The following SLC26A6 variants were observed in gnomAD, a reference collection of about 807,000 sequenced individuals.
SLC26A6 encodes the protein anion exchange transporter.
In SLC26A6, 67 loss-of-function variants were observed where a neutral mutation model predicts 87.1. The observed-to-expected ratio is 0.77, with a 90% CI of 0.63 to 0.94. The LOEUF (loss-of-function observed/expected upper bound fraction) is 0.94, where lower values mean the gene tolerates loss of function less well. SLC26A6 is among the 40% of genes least tolerant of loss of function. The pLI is 0.00. For missense variants in SLC26A6, 902 were observed against 973.0 expected, an observed-to-expected ratio of 0.93 and a Z score of 0.97; for synonymous variants, 414 against 405.9, an observed-to-expected ratio of 1.02 and a Z score of -0.24.
chr3:48,629,758 A>G (rs771942367), intron 13 of SLC26A6, 47 bp from the exon 14 acceptor site: 1 of 1,610,554 alleles, frequency 6.2e-7, no homozygotes. Flanking sequence ...GAAAAAGGGG[A>G]TAACAGAGGG....
intron 1 of SLC26A6, chr3:48,634,835 G>GC: frequency 1.2e-6 from 1 of 813,132 alleles, no homozygotes; most frequent in Non-Finnish European, 1.5e-6. Context: ...AGATCGTAGA[G>GC]CCCCCTCTCC....
Position 48,633,516 on chromosome 3 carries a change from C to T in SLC26A6, c.143G>A (p.Gly48Asp), listed in dbSNP as rs762633842. ...QEHLEELGRW[G>D]SAPRTHQWRT... ...CCACTGGTGGGTCCTAGGTGCTGAG[C>T]CCCAGCGCCCCAGCTCCTCCAAATG... The change falls in exon 2 of 21, where the codon GGC becomes GAC. Residue 48 changes from glycine (G) to aspartate (D), a missense_variant. By Grantham distance (94) the Gly-to-Asp change is moderately conservative (BLOSUM62 -1). Coordinates refer to ENST00000395550, the MANE Select transcript of SLC26A6 (RefSeq NM_022911.3). The T allele has an allele frequency of 1.9e-6, 3 of 1,613,200 alleles. No homozygotes were observed. The highest frequency in any genetic ancestry group is 2.2e-5 in the South Asian group (2 of 91,094).
In SLC26A6 at chr3:48,631,219, C is replaced by G; in HGVS notation, c.986+5G>C. On this transcript the variant is annotated splice_donor_5th_base_variant and intron_variant, in intron 8 of 20. Coordinates refer to ENST00000395550, the MANE Select transcript of SLC26A6 (RefSeq NM_022911.3). ...CTCCCTGACCTGATGGAGGCCAGAG[C>G]TCACCCTGCAGGGATGTTGCCCACG... 4.3e-6 allele frequency: 7 copies of G among 1,611,252 alleles called. No homozygotes were observed. The highest frequency in any genetic ancestry group is 5.9e-6 in the Non-Finnish European group (7 of 1,178,262).
At chr3:48,626,165 G>A (rs2046614802) in intron 20 of SLC26A6, 53 bp downstream of exon 20, 5 of 1,612,862 alleles carry the variant, frequency 3.1e-6, no homozygotes, top group Non-Finnish European at 4.2e-6. Context: ...GCCAGGGTGG[G>A]GACAAGCAAT....
In SLC26A6 at chr3:48,628,515, GAT is replaced by G. The variant is rs1420424832; in HGVS notation, c.1717_1718del (p.Ile573LeufsTer39). On this transcript the variant is annotated frameshift_variant, in exon 16 of 21. Coordinates refer to ENST00000395550, the MANE Select transcript of SLC26A6 (RefSeq NM_022911.3). LOFTEE classifies it high-confidence loss of function. This position sits in a 1 kb window ranked among gnomAD's most constrained non-coding sequence, Gnocchi z 4.4. ...TCTTGAGCAGTTTCTTCTTCTGGGA[GAT>G]GAGGAAGTCGACATCCACACCACAC... ...QRCGVDVDFL[I>X]SQKKKLLKKQ... 2.5e-6 allele frequency: 4 copies of G among 1,614,036 alleles called. No homozygotes were observed. The Admixed American group carries it at 6.7e-5, about 27-fold the overall frequency.
At chr3:48,633,866 G>A (rs1053953080) in intron 1 of SLC26A6, 2 of 1,413,462 alleles carry the variant, frequency 1.4e-6, no homozygotes, top group African/African-American at 2.9e-5. Context: ...AGTCCCCCAA[G>A]TAGGGACTGC....
chr3:48,633,255 C>A lies in SLC26A6; in HGVS notation c.318G>T (p.Pro106=). ...GACGCACTGAAGGTGGCTCACCCTG[C>A]GGAAGCTGCATGATGGCCACACTCA... The part of the protein sequence containing the change: ...SGLSVAIMQL[P]QGLAYALLAG... Residue 106 remains proline, a synonymous_variant, in exon 3 of 21, where the codon CCG becomes CCT. Transcript: ENST00000395550. 1.2e-6 allele frequency: 2 copies of A among 1,612,652 alleles called. No homozygotes were observed. The highest frequency in any genetic ancestry group is 8.5e-7 in the Non-Finnish European group (1 of 1,179,674).
chr3:48,627,861 G>C (rs1050572624), intron 17 of SLC26A6, 85 bp downstream of exon 17: 2 of 1,304,558 alleles, frequency 1.5e-6, no homozygotes, highest in Non-Finnish European at 2.1e-6. Flanking sequence ...ACAGCTGCTG[G>C]GTCCATGGCA....
In SLC26A6 at chr3:48,629,996, C is replaced by A; in HGVS notation, c.1423-18G>T. ...CAGATAAGCTGAGAACAGAGGGCAGCGGTTGGAGGGCGGCGAGGAGCCATG... is the reference window on the plus strand; with the variant it reads ...CAGATAAGCTGAGAACAGAGGGCAGAGGTTGGAGGGCGGCGAGGAGCCATG... On this transcript the variant is annotated intron_variant, in intron 12 of 20. Transcript: ENST00000395550. 6.2e-7 allele frequency: 1 copy of A among 1,614,050 alleles called. No individual in the cohort carries two copies.
intron 19 of SLC26A6, 95 bp downstream of exon 19, chr3:48,626,536 A>C: frequency 6.3e-7 from 1 of 1,584,770 alleles, no homozygotes; most frequent in Non-Finnish European, 8.7e-7. Flanking sequence ...CCAGTTCCAG[A>C]GAAAGACTTT....
chr3:48,627,125 C>G, intron 17 of SLC26A6, 70 bp from the exon 18 acceptor site: 5 of 1,543,548 alleles, frequency 3.2e-6, no homozygotes, highest in South Asian at 1.2e-5. Context: ...CACACAGACA[C>G]GCGAGAACAC....
At position 48,631,648 on chromosome 3, in the gene SLC26A6, C is replaced by A; in HGVS notation, c.903+1G>T. ...TGCCCTCCACTCCCTGGCCCTCGAA[C>A]CGTGAGCAGCTCCCCGGGTATCGGC... On this transcript the variant is annotated splice_donor_variant, in intron 7 of 20. Coordinates refer to ENST00000395550, the MANE Select transcript of SLC26A6 (RefSeq NM_022911.3). LOFTEE classifies it high-confidence loss of function. The A allele has an allele frequency of 6.2e-7, 1 of 1,612,734 alleles. No individual in the cohort carries two copies. The highest frequency in any genetic ancestry group is 8.5e-7 in the Non-Finnish European group (1 of 1,179,582).
rs2046699245 is a variant in SLC26A6, at chr3:48,628,811, C to A, written c.1600-97G>T. 2.9e-6 allele frequency: 4 copies of A among 1,389,674 alleles called. No individual in the cohort carries two copies. In the African/African-American group the frequency reaches 4.3e-5, roughly 15 times the overall value. 86.1% of individuals were successfully genotyped at this position (1,389,674 alleles called of 1,614,324 possible). On this transcript the variant is annotated intron_variant, in intron 14 of 20. Coordinates refer to ENST00000395550, the MANE Select transcript of SLC26A6 (RefSeq NM_022911.3). The surrounding 1 kb of genome is among the most constrained non-coding windows in gnomAD (Gnocchi z 4.4). ...CTTCCCTAGTGTGCCCAGTGCCTGCCACCGCCCAGCCCTCTGCTCCCCAGG... is the reference window on the plus strand; with the variant it reads ...CTTCCCTAGTGTGCCCAGTGCCTGCAACCGCCCAGCCCTCTGCTCCCCAGG...
chr3:48,628,285 A>T lies in SLC26A6; in HGVS notation c.1800+149T>A. Reference sequence around the variant, plus strand: ...ATGCTGCCTAGAGCCCGGACCTGCTAGGGGAGTGAAGCAGGGTCCCTGGGA... The same window carrying T: ...ATGCTGCCTAGAGCCCGGACCTGCTTGGGGAGTGAAGCAGGGTCCCTGGGA... On this transcript the variant is annotated intron_variant, in intron 16 of 20. Coordinates refer to ENST00000395550, the MANE Select transcript of SLC26A6 (RefSeq NM_022911.3). This position sits in a 1 kb window ranked among gnomAD's most constrained non-coding sequence, Gnocchi z 4.4. 1 of 1,040,070 alleles carries T rather than the reference A, an allele frequency of 9.6e-7. No individual in the cohort carries two copies. Among genetic ancestry groups the T allele is most frequent in the Non-Finnish European group, 1.4e-6 (1 of 710,836 alleles). The allele number at this position is 1,040,070 out of a possible 1,614,324, so 64.4% of individuals were successfully genotyped here. A position where few individuals can be genotyped will look rare whatever the true frequency, so the allele number is the denominator to read the frequency against.
intron 9 of SLC26A6, 44 bp from the exon 10 acceptor site, chr3:48,630,764 G>C: frequency 6.4e-7 from 1 of 1,558,082 alleles, no homozygotes; most frequent in African/African-American, 1.4e-5. Context: ...CCTAGAAGTG[G>C]CTGGTCACTG....
chr3:48,626,345 A>G lies in SLC26A6; in HGVS notation c.2138T>C (p.Val713Ala). 1.2e-6 allele frequency: 2 copies of G among 1,613,978 alleles called. No homozygotes were observed. Among genetic ancestry groups the G allele is most frequent in the Non-Finnish European group, 1.7e-6 (2 of 1,180,006 alleles). Residue 713 changes from valine (V) to alanine (A), a missense_variant, in exon 20 of 21, where the codon GTC (valine) becomes GCC (alanine). By Grantham distance (64) the Val-to-Ala change is moderately conservative. Around this residue, in one of 3 missense-constraint regions of SLC26A6, gnomAD observed 99 missense variants for 100.1 expected, o/e 0.99. Transcript: ENST00000395550. ...VYMAACHSPV[V>A]SQLEAGHFFD... ...GAAGTGCCCAGCCTCAAGCTGGCTGACCACAGGGCCTGTGGGCAAGAAGTA... is the reference window on the plus strand; with the variant it reads ...GAAGTGCCCAGCCTCAAGCTGGCTGGCCACAGGGCCTGTGGGCAAGAAGTA...
intron 4 of SLC26A6, chr3:48,632,615 G>A (rs2106670803): frequency 1.4e-6 from 1 of 721,426 alleles, no homozygotes; most frequent in Non-Finnish European, 2.5e-6. Flanking sequence ...TGCTGGCCCT[G>A]TCTCATCTAC....
rs908637253 is a variant in SLC26A6, at chr3:48,626,314, A to G, written c.2169T>C (p.Asp723=). The G allele has an allele frequency of 1.9e-6, 3 of 1,613,934 alleles. No individual in the cohort carries two copies. The highest frequency in any genetic ancestry group is 2.7e-5 in the African/African-American group (2 of 74,888). ...AGAGATGCTTCTTGGTGATGGATGC[A>G]TCGAAGAAGTGCCCAGCCTCAAGCT... ...VSQLEAGHFF[D]ASITKKHLFA... Residue 723 remains aspartate, a synonymous_variant, in exon 20 of 21, where the codon GAT becomes GAC. Coordinates refer to ENST00000395550, the MANE Select transcript of SLC26A6 (RefSeq NM_022911.3).
Position 48,635,429 on chromosome 3 carries a change from G to A in SLC26A6, c.-36C>T. The A allele has an allele frequency of 1.9e-6, 3 of 1,565,688 alleles. No individual in the cohort carries two copies. Among genetic ancestry groups the A allele is most frequent in the Non-Finnish European group, 2.6e-6 (3 of 1,157,084 alleles). On this transcript the variant is annotated 5_prime_UTR_variant, in exon 1 of 21. Transcript: ENST00000395550. ...TTGTCCGGTGCGGGCTGCTCCTGCT[G>A]CTCGAGCTAGAGGCCGCTACGCTCC...
Sources: allele counts gnomAD v4.1 joint callset, GRCh38; gene constraint gnomAD v4.1.1; regional missense constraint gnomAD v4.1.1; non-coding constraint Gnocchi (gnomAD v3.1); transcripts MANE v1.5; gene names NCBI Gene and HGNC (gene_info 2026-07-23, HGNC 2026-07-21).